NYNRIN: variants seen among roughly 807,000 people sequenced by gnomAD.
NYNRIN encodes the protein protein NYNRIN.
In NYNRIN, 86 loss-of-function variants were observed where a neutral mutation model predicts 146.6. The ratio of observed to expected loss-of-function variants is 0.59; its 90% CI spans 0.49 to 0.70. NYNRIN has a LOEUF of 0.70. Ranked by LOEUF, NYNRIN falls within the 30% of genes least tolerant of loss-of-function variation. The probability of loss-of-function intolerance (pLI) is 0.00; values close to 1 mark genes in which losing one functional copy is unlikely to be tolerated. For missense variants in NYNRIN, 2,191 were observed against 2,377.7 expected (o/e 0.92, Z 1.63); for synonymous variants, 1,027 against 1,001.3 (o/e 1.03, Z -0.48).
In NYNRIN at chr14:24,409,496, C is replaced by G. The variant is rs762894342; in HGVS notation, c.1702C>G (p.Pro568Ala). 4.3e-6 allele frequency: 7 copies of G among 1,613,800 alleles called. No homozygotes were observed. In the South Asian group the frequency reaches 4.4e-5, roughly 10 times the overall value. ...CAGAACTCAAGTGCCATCTGCAGCT[C>G]CCAAACTGCCTACATCTCGAATGAT... ...PSRTQVPSAA[P>A]KLPTSRMMLA... Residue 568 changes from proline to alanine, a missense_variant, in exon 4 of 9, where the codon CCC (proline) becomes GCC (alanine). Coordinates refer to ENST00000382554, the MANE Select transcript of NYNRIN (RefSeq NM_025081.3).
Position 24,418,174 on chromosome 14 carries a change from A to G in NYNRIN, c.*728A>G. On this transcript the variant is annotated 3_prime_UTR_variant, in exon 9 of 9. Transcript: ENST00000382554. ...GGCCTACCTCATTTGACTCCAGCCAATGGAGACAATTCCTGACCCCTGCTT... is the reference window on the plus strand; with the variant it reads ...GGCCTACCTCATTTGACTCCAGCCAGTGGAGACAATTCCTGACCCCTGCTT... 2.3e-6 allele frequency: 1 copy of G among 438,028 alleles called. No homozygotes were observed. 27.1% of individuals were successfully genotyped at this position (438,028 alleles called of 1,614,324 possible).
At chr14:24,405,028 GAGAGAA>G (rs1416445871) in intron 2 of NYNRIN, among the ~76,000 whole-genome samples, 7 of 4,722 alleles carry the variant, frequency 1.5e-3, no homozygotes, top group South Asian at 7.5e-3. Flanking sequence ...GTGTGTGTGT[GAGAGAA>G]TGTGTGTGTG....
intron 2 of NYNRIN, among the ~76,000 whole-genome samples, chr14:24,400,343 C>A (rs2042834002): frequency 6.6e-6 from 1 of 152,236 alleles, no homozygotes; most frequent in Non-Finnish European, 1.5e-5. Flanking sequence ...CAAGGTTTAC[C>A]TCTTCCCTTA....
intron 2 of NYNRIN, among the ~76,000 whole-genome samples, chr14:24,406,635 G>A (rs1056539115): frequency 1.3e-5 from 2 of 152,236 alleles, no homozygotes; most frequent in African/African-American, 2.4e-5. Flanking sequence ...AAGATGGCCC[G>A]GGGACTGAGC....
Position 24,415,184 on chromosome 14 carries a change from G to A in NYNRIN, c.3435G>A (p.Leu1145=), listed in dbSNP as rs1430791368. ...CCTTCCTGGCCCTGAAGCGAGCCCTGGTGTCTGCCCTCTGCCTGATGGCCC... is the reference window on the plus strand; with the variant it reads ...CCTTCCTGGCCCTGAAGCGAGCCCTAGTGTCTGCCCTCTGCCTGATGGCCC... The part of the protein sequence containing the change: ...EEAFLALKRA[L]VSALCLMAPN... Residue 1145 remains leucine (L), a synonymous_variant, in exon 9 of 9, where the codon CTG becomes CTA. Transcript: ENST00000382554. 1.2e-6 allele frequency: 2 copies of A among 1,609,210 alleles called. No individual in the cohort carries two copies. Among genetic ancestry groups the A allele is most frequent in the South Asian group, 2.2e-5 (2 of 91,074 alleles).
rs759824815 is a variant in NYNRIN at position 24,417,072 on chromosome 14, G to C, written c.5323G>C (p.Glu1775Gln). 5.6e-6 allele frequency: 9 copies of C among 1,613,082 alleles called. No individual in the cohort carries two copies. The highest frequency in any genetic ancestry group is 7.6e-6 in the Non-Finnish European group (9 of 1,179,350). ...AAGGCTCACGGAGCCCCTGTGGTGGGAGATGAGCAGCGCAAACATTGAAGG... is the reference window on the plus strand; with the variant it reads ...AAGGCTCACGGAGCCCCTGTGGTGGCAGATGAGCAGCGCAAACATTGAAGG... ...ESRLTEPLWW[E>Q]MSSANIEGLK... Residue 1775 changes from glutamate (E) to glutamine (Q), a missense_variant, in exon 9 of 9, where the codon GAG (glutamate) becomes CAG (glutamine). Glu to Gln is a conservative substitution (Grantham distance 29). This residue lies in a region of NYNRIN where 1,291 missense variants were observed against 1,417.0 expected (regional missense o/e 0.91). Transcript: ENST00000382554.
chr14:24,410,872 C>G (rs1471894749), intron 4 of NYNRIN, among the ~76,000 whole-genome samples: 1 of 152,212 alleles, frequency 6.6e-6, no homozygotes, highest in African/African-American at 2.4e-5. Flanking sequence ...CATGCACACA[C>G]ACACACACAT....
intron 2 of NYNRIN, among the ~76,000 whole-genome samples, chr14:24,403,905 A>G (rs2042860504): frequency 6.6e-6 from 1 of 152,192 alleles, no homozygotes; most frequent in South Asian, 2.1e-4. Flanking sequence ...TCCTTCAGAA[A>G]TGTGAGGGTT....
rs2139350320 is a variant in NYNRIN at position 24,411,925 on chromosome 14, C to G, written c.2642+475C>G. ...GAATGCCTAAACCCTGAATGCTTGCCTGCTTGTCAATCCTAAGCGCCCACC... is the reference window on the plus strand; with the variant it reads ...GAATGCCTAAACCCTGAATGCTTGCGTGCTTGTCAATCCTAAGCGCCCACC... On this transcript the variant is annotated intron_variant, in intron 6 of 8. Coordinates refer to ENST00000382554, the MANE Select transcript of NYNRIN (RefSeq NM_025081.3). The surrounding 1 kb of genome is among the most constrained non-coding windows in gnomAD (Gnocchi z 4.3). Among the ~76,000 whole-genome samples the G allele has an allele frequency of 6.6e-6, 1 of 152,270 alleles. No homozygotes were observed. Among genetic ancestry groups the G allele is most frequent in the South Asian group, 2.1e-4 (1 of 4,826 alleles).
At position 24,408,000 on chromosome 14, in the gene NYNRIN, G is replaced by A. The variant is rs750685237; in HGVS notation, c.330G>A (p.Leu110=). The change falls in exon 3 of 9, where the codon CTG becomes CTA. Residue 110 remains leucine (L), a synonymous_variant. Transcript: ENST00000382554. Reference sequence around the variant, plus strand: ...TCTGCTGGAGCACCCTTGCCTACCTGGTGCCTGGCCCCCCTGGCTCCCTGA... The same window carrying A: ...TCTGCTGGAGCACCCTTGCCTACCTAGTGCCTGGCCCCCCTGGCTCCCTGA... ...DCLCWSTLAY[L]VPGPPGSLMV... The A allele has an allele frequency of 1.2e-6, 2 of 1,614,036 alleles. No homozygotes were observed. Among genetic ancestry groups the A allele is most frequent in the East Asian group, 4.5e-5 (2 of 44,884 alleles).
Position 24,414,834 on chromosome 14 carries a change from G to T in NYNRIN, c.3085G>T (p.Val1029Leu). ...LDSSLASVFR[V>L]ECPSLSEEIL... ...CTCTTCGCTGGCGTCAGTGTTCAGG[G>T]TGGAGTGCCCGTCCCTTTCGGAGGA... Residue 1029 changes from valine to leucine, a missense_variant, in exon 9 of 9, where the codon GTG becomes TTG. Around this residue, in one of 3 missense-constraint regions of NYNRIN, gnomAD observed 1,291 missense variants for 1,417.0 expected, o/e 0.91. Transcript: ENST00000382554. 2 of 1,613,424 alleles carry T rather than the reference G, an allele frequency of 1.2e-6. No individual in the cohort carries two copies. Among genetic ancestry groups the T allele is most frequent in the Non-Finnish European group, 1.7e-6 (2 of 1,179,566 alleles).
At chr14:24,405,991 A>T (rs1260941772) in intron 2 of NYNRIN, among the ~76,000 whole-genome samples, 3 of 151,856 alleles carry the variant, frequency 2.0e-5, no homozygotes, top group Non-Finnish European at 2.9e-5. Flanking sequence ...GCAAAACCCC[A>T]TCTCTACTAA....
Position 24,408,451 on chromosome 14 carries a change from T to G in NYNRIN, c.781T>G (p.Leu261Val), listed in dbSNP as rs760433823. The change falls in exon 3 of 9, where the codon TTA becomes GTA. Residue 261 changes from leucine (L) to valine (V), a missense_variant. Leu to Val is a conservative substitution (Grantham distance 32). Coordinates refer to ENST00000382554, the MANE Select transcript of NYNRIN (RefSeq NM_025081.3). The stretch of plus-strand genomic sequence containing the variant: ...CAGGGGCCCAGAAAATTCAAAGAGA[T>G]TATCTAGCCTGGGAGCCACTGGGTC... ...QNRGPENSKR[L>V]SSLGATGSLI... 1.9e-6 allele frequency: 3 copies of G among 1,612,156 alleles called. No individual in the cohort carries two copies. Among genetic ancestry groups the G allele is most frequent in the East Asian group, 4.5e-5 (2 of 44,840 alleles).
chr14:24,407,234 A>G (rs886793223), intron 2 of NYNRIN, among the ~76,000 whole-genome samples: 1 of 152,228 alleles, frequency 6.6e-6, no homozygotes, highest in African/African-American at 2.4e-5. Flanking sequence ...CTCAGCCTGC[A>G]AAATGGGAAC....
chr14:24,416,818 T>G lies in NYNRIN; in HGVS notation c.5069T>G (p.Leu1690Arg), dbSNP rs1328968980. ...GGGCCCCAGTTTGCCCGGCACGTCC[T>G]TGTGAGCTGTGGGCTGGCCCTGGGA... ...AQGPQFARHV[L>R]VSCGLALGAQ... Residue 1690 changes from leucine (L) to arginine (R), a missense_variant, in exon 9 of 9, where the codon CTT becomes CGT. By Grantham distance (102) the Leu-to-Arg change is moderately radical. Around this residue, in one of 3 missense-constraint regions of NYNRIN, gnomAD observed 1,291 missense variants for 1,417.0 expected, o/e 0.91. Coordinates refer to ENST00000382554, the MANE Select transcript of NYNRIN (RefSeq NM_025081.3). The G allele has an allele frequency of 1.2e-6, 2 of 1,611,444 alleles. No individual in the cohort carries two copies. Among genetic ancestry groups the G allele is most frequent in the Non-Finnish European group, 1.7e-6 (2 of 1,178,468 alleles).
At chr14:24,407,804 G>C (rs1566484149) in intron 2 of NYNRIN, 65 bp from the exon 3 acceptor site, 1 of 1,472,216 alleles carries the variant, frequency 6.8e-7, no homozygotes, top group Non-Finnish European at 9.1e-7. Flanking sequence ...TTTGGGTGGC[G>C]AGGGCAGATC....
In NYNRIN at chr14:24,413,297, C is replaced by T; in HGVS notation, c.2745-19C>T. The T allele has an allele frequency of 1.2e-6, 2 of 1,604,950 alleles. No homozygotes were observed. The highest frequency in any genetic ancestry group is 1.3e-5 in the African/African-American group (1 of 74,830). ...TCAAGGGCTCACAGTGACTGTGCCT[C>T]TTCTCCCCCTGGGCCCAGCTTGCTG... On this transcript the variant is annotated intron_variant, in intron 7 of 8. Coordinates refer to ENST00000382554, the MANE Select transcript of NYNRIN (RefSeq NM_025081.3).
Position 24,415,027 on chromosome 14 carries a change from C to T in NYNRIN, c.3278C>T (p.Ala1093Val), listed in dbSNP as rs1332450351. The T allele has an allele frequency of 2.5e-6, 4 of 1,610,244 alleles. No individual in the cohort carries two copies. The highest frequency in any genetic ancestry group is 3.4e-6 in the Non-Finnish European group (4 of 1,177,286). ...AQLTIPSNFT[A>V]LSFFMGFMDS... The stretch of plus-strand genomic sequence containing the variant: ...CTCACCATCCCCAGCAACTTCACCG[C>T]ACTCTCCTTCTTCATGGGCTTCATG... The change falls in exon 9 of 9, where the codon GCA becomes GTA. Residue 1093 changes from alanine (A) to valine (V), a missense_variant. Ala to Val is a moderately conservative substitution (Grantham distance 64). Around this residue, in one of 3 missense-constraint regions of NYNRIN, gnomAD observed 1,291 missense variants for 1,417.0 expected, o/e 0.91. Coordinates refer to ENST00000382554, the MANE Select transcript of NYNRIN (RefSeq NM_025081.3).
rs2042902467 is a variant in NYNRIN, at chr14:24,410,069, C to T, written c.2275C>T (p.Leu759=). The T allele has an allele frequency of 6.2e-7, 1 of 1,613,858 alleles. No homozygotes were observed. The highest frequency in any genetic ancestry group is 1.1e-5 in the South Asian group (1 of 91,090). ...GGCCCCAAGGCAGCCACCTCGCCAC[C>T]TGCAAGCGAACAGCACAGTGACCAG... ...EGAPRQPPRH[L]QANSTVTSFQ... The change falls in exon 4 of 9, where the codon CTG becomes TTG. Residue 759 remains leucine (L), a synonymous_variant. Coordinates refer to ENST00000382554, the MANE Select transcript of NYNRIN (RefSeq NM_025081.3).
Sources: gnomAD v4.1 joint callset for allele counts (sites outside exome capture counted in the v4.1 genomes callset) on GRCh38, gnomAD v4.1.1 for gene constraint, gnomAD v4.1.1 regional missense constraint, Gnocchi (gnomAD v3.1) non-coding constraint, MANE v1.5 for transcripts, NCBI Gene and HGNC (gene_info 2026-07-23, HGNC 2026-07-21) for gene names.